Variants in NBAS observed in about 807,000 individuals in gnomAD.
NBAS encodes the protein NBAS subunit of NRZ tethering complex.
A neutral mutation model predicts 302.5 loss-of-function variants in NBAS; 219 were observed. The observed-to-expected ratio is 0.72, with a 90% confidence interval of 0.65 to 0.81. The LOEUF (loss-of-function observed/expected upper bound fraction) is 0.81. Ranked by LOEUF, NBAS falls within the 30% of genes least tolerant of loss-of-function variation. NBAS has a pLI of 0.00. For missense variants in NBAS, 2,932 were observed against 2,841.6 expected (o/e 1.03, Z -0.72); for synonymous variants, 1,118 against 1,021.6 (o/e 1.09, Z -1.80).
chr2:15,553,728 C>T (rs1206507423), intron 4 of NBAS, among the ~76,000 whole-genome samples: 3 of 143,292 alleles, frequency 2.1e-5, no homozygotes, highest in Admixed American at 7.0e-5. Flanking sequence ...CTCTCCCCCT[C>T]GCTCCCTCCC....
the NBAS span, among the ~76,000 whole-genome samples, chr2:15,056,310 G>A: frequency 4.9e-3 from 753 of 152,274 alleles, 2 homozygotes; most frequent in African/African-American, 6.1e-3. Context: ...GTGGTTATGC[G>A]GAAGACTGTC....
At chr2:15,373,231 A>G (rs912734858) in intron 31 of NBAS, among the ~76,000 whole-genome samples, 1 of 152,260 alleles carries the variant, frequency 6.6e-6, no homozygotes, top group African/African-American at 2.4e-5. Context: ...TAGCAATCAC[A>G]TTAGATAAAA....
At chr2:15,061,731 G>T in the NBAS span, among the ~76,000 whole-genome samples, 1 of 152,218 alleles carries the variant, frequency 6.6e-6, no homozygotes, top group Admixed American at 6.5e-5. Context: ...AGCTCTGTGA[G>T]TGGTGACAAT....
At chr2:15,252,416 T>C (rs1668406274) in intron 44 of NBAS, among the ~76,000 whole-genome samples, 1 of 152,016 alleles carries the variant, frequency 6.6e-6, no homozygotes, top group Non-Finnish European at 1.5e-5. Context: ...GAGAATCACT[T>C]GAACCCGGGA....
In NBAS at chr2:15,172,353, T is replaced by C. The variant is rs527357265; in HGVS notation, c.6841-5030A>G. 5.9e-5 allele frequency among the ~76,000 whole-genome samples: 9 copies of C among 152,344 alleles called. No homozygotes were observed. The South Asian group carries it at 1.9e-3, about 32-fold the overall frequency. On this transcript the variant is annotated intron_variant, in intron 51 of 51. Coordinates refer to ENST00000281513, the MANE Select transcript of NBAS (RefSeq NM_015909.4). ...AGAGTTATAACAGCTTCCCACTCTT[T>C]CACATGTGAAGGATTCTCTGTATAA... is the stretch of plus-strand genomic sequence containing the variant.
the NBAS span, among the ~76,000 whole-genome samples, chr2:15,050,311 C>T: frequency 6.6e-6 from 1 of 150,764 alleles, no homozygotes; most frequent in Non-Finnish European, 1.5e-5. Context: ...TTTCTTCTTT[C>T]CTTTTTTTCA....
At chr2:15,462,358 A>G (rs920629488) in intron 19 of NBAS, among the ~76,000 whole-genome samples, 1 of 152,198 alleles carries the variant, frequency 6.6e-6, no homozygotes, top group Non-Finnish European at 1.5e-5. Context: ...TGCCACAACT[A>G]GTTCTGGGAG....
chr2:15,335,204 C>G (rs1200190000), intron 35 of NBAS, among the ~76,000 whole-genome samples: 1 of 145,980 alleles, frequency 6.9e-6, no homozygotes, highest in Non-Finnish European at 1.5e-5. Context: ...AAAAATTGTT[C>G]AAGTCATTAC....
At chr2:15,163,503 C>T (rs937442356), downstream of NBAS, among the ~76,000 whole-genome samples, 2 of 152,122 alleles carry the variant, frequency 1.3e-5, no homozygotes, top group African/African-American at 2.4e-5. Context: ...CTCAGGGACT[C>T]GGGCTTCAAT....
chr2:15,045,388 G>A, the NBAS span, among the ~76,000 whole-genome samples: 1 of 152,208 alleles, frequency 6.6e-6, no homozygotes, highest in East Asian at 1.9e-4. Flanking sequence ...CAGTAACATG[G>A]CTGCCCATGG....
the NBAS span, among the ~76,000 whole-genome samples, chr2:14,967,378 C>G: frequency 6.6e-6 from 1 of 152,028 alleles, no homozygotes. Context: ...TGATACTACC[C>G]GATTTCAAGA....
At chr2:14,877,940 C>T in the NBAS span, among the ~76,000 whole-genome samples, 1 of 152,172 alleles carries the variant, frequency 6.6e-6, no homozygotes, top group Non-Finnish European at 1.5e-5. Context: ...TCAGCAACAG[C>T]CATCAGATTC....
chr2:14,839,711 C>G, the NBAS span, among the ~76,000 whole-genome samples: 1 of 152,040 alleles, frequency 6.6e-6, no homozygotes, highest in Non-Finnish European at 1.5e-5. Flanking sequence ...AAGGCACCAT[C>G]TACTGCTGAA....
At position 15,394,319 on chromosome 2, in the gene NBAS, G is replaced by A. The variant is rs754643904; in HGVS notation, c.3165C>T (p.Leu1055=). ...TTTTAACAAATGAAATTGGTTTCTC[G>A]AGTCCATGTTTTTCCAAAAGCTCTG... ...SVSELLEKHG[L]EKPISFVKNT... Residue 1055 remains leucine (L), a synonymous_variant, in exon 28 of 52, where the codon CTC becomes CTT. Coordinates refer to ENST00000281513, the MANE Select transcript of NBAS (RefSeq NM_015909.4). 33 of 1,612,662 alleles carry A rather than the reference G, an allele frequency of 2.0e-5. No homozygotes were observed. In the Admixed American group the frequency reaches 4.7e-4, roughly 23 times the overall value.
At chr2:15,072,499 A>G in the NBAS span, among the ~76,000 whole-genome samples, 1 of 151,848 alleles carries the variant, frequency 6.6e-6, no homozygotes, top group Admixed American at 6.5e-5. Context: ...ATTTTTAAAA[A>G]AATTTTATCT....
the NBAS span, among the ~76,000 whole-genome samples, chr2:14,848,100 C>CGGTCTA: frequency 4.2e-3 from 631 of 151,934 alleles, 5 homozygotes; most frequent in African/African-American, 0.015. Context: ...AGGAACAGCT[C>CGGTCTA]CAGTCTACAG....
chr2:15,498,236 T>C (rs1449928004), intron 11 of NBAS, among the ~76,000 whole-genome samples: 1 of 152,222 alleles, frequency 6.6e-6, no homozygotes, highest in Non-Finnish European at 1.5e-5. Flanking sequence ...CCACAGATGC[T>C]AGAGTTCCAC....
chr2:15,262,604 A>G (rs1295518761), intron 44 of NBAS, among the ~76,000 whole-genome samples: 1 of 152,208 alleles, frequency 6.6e-6, no homozygotes, highest in Non-Finnish European at 1.5e-5. Context: ...CCCCGCTACT[A>G]TTAAAATAGC....
intron 35 of NBAS, among the ~76,000 whole-genome samples, chr2:15,344,542 C>G (rs970655088): frequency 1.7e-4 from 26 of 152,066 alleles, no homozygotes; most frequent in African/African-American, 6.3e-4. Flanking sequence ...CCAAAAAAAG[C>G]CCAGGACCAG....
Sources: gnomAD v4.1 joint callset for allele counts (sites outside exome capture counted in the v4.1 genomes callset) on GRCh38, gnomAD v4.1.1 for gene constraint, MANE v1.5 for transcripts, NCBI Gene and HGNC (gene_info 2026-07-23, HGNC 2026-07-21) for gene names.